Variants in MED13 observed in about 807,000 individuals in gnomAD.
MED13 encodes the protein mediator of RNA polymerase II transcription subunit 13.
A neutral mutation model predicts 225.2 loss-of-function variants in MED13; 23 were observed. That is an observed-to-expected ratio of 0.10 (90% CI 0.07 to 0.14). MED13 has a LOEUF of 0.14. MED13 is among the 10% of genes least tolerant of loss of function. MED13 has a pLI of 1.00. For synonymous variants in MED13, 942 were observed against 889.2 expected (o/e 1.06, Z -1.06); for missense variants, 2,197 against 2,594.5 (o/e 0.85, Z 3.33).
At chr17:61,990,628 T>TATAC (rs2080289064) in intron 11 of MED13, among the ~76,000 whole-genome samples, 2 of 26,054 alleles carry the variant, frequency 7.7e-5, no homozygotes, top group South Asian at 1.1e-3. Context: ...GCGCACTGTG[T>TATAC]ATATATATAT....
chr17:61,965,294 C>T lies in MED13; in HGVS notation c.4556G>A (p.Gly1519Asp), dbSNP rs1215629298. The T allele has an allele frequency of 4.3e-6, 7 of 1,614,070 alleles. No homozygotes were observed. The highest frequency in any genetic ancestry group is 5.9e-6 in the Non-Finnish European group (7 of 1,180,044). ...AASSTMTVTS[G>D]VAISTSVATA... The stretch of plus-strand genomic sequence containing the variant: ...GGCAACTGAAGTAGATATGGCAACA[C>T]CTGAAGTCACTGTCATAGTGCTGCT... The change falls in exon 20 of 30, where the codon GGT becomes GAT. Residue 1519 changes from glycine to aspartate, a missense_variant. This residue lies in a region of MED13 where 457 missense variants were observed against 442.2 expected (regional missense o/e 1.03). Coordinates refer to ENST00000397786, the MANE Select transcript of MED13 (RefSeq NM_005121.3).
rs527763436 is a variant in MED13, at chr17:62,020,633, C to G, written c.1283+8908G>C. On this transcript the variant is annotated intron_variant, in intron 8 of 29. Coordinates refer to ENST00000397786, the MANE Select transcript of MED13 (RefSeq NM_005121.3). Reference sequence around the variant, plus strand: ...TGACCTCGTGATCCTCCCGCCTTGGCCTTCCAAAGTGCTGGGATTTCAGGC... The same window carrying G: ...TGACCTCGTGATCCTCCCGCCTTGGGCTTCCAAAGTGCTGGGATTTCAGGC... 8.1e-4 allele frequency among the ~76,000 whole-genome samples: 121 copies of G among 150,226 alleles called. 2 individuals carry two copies. The South Asian group carries it at 0.026, about 32-fold the overall frequency.
chr17:61,985,220 C>CAAAT (rs2080237733), intron 12 of MED13, 130 bp from the exon 13 acceptor site: 1 of 652,792 alleles, frequency 1.5e-6, no homozygotes, highest in Admixed American at 2.9e-5. Flanking sequence ...GTGATACAGC[C>CAAAT]AAATACATAC....
At chr17:62,044,294 T>C (rs1318972493) in intron 3 of MED13, among the ~76,000 whole-genome samples, 1 of 151,962 alleles carries the variant, frequency 6.6e-6, no homozygotes, top group African/African-American at 2.4e-5. Context: ...TAATTATAAA[T>C]ATAAAGGTTC....
At chr17:62,060,688 C>T (rs1439213165) in intron 2 of MED13, among the ~76,000 whole-genome samples, 4 of 149,470 alleles carry the variant, frequency 2.7e-5, no homozygotes, top group East Asian at 3.9e-4. Context: ...TTTTCATTCA[C>T]GTTCAAGATC....
chr17:61,966,847 CT>C (rs1426338022), intron 18 of MED13, among the ~76,000 whole-genome samples, 196 bp from the exon 19 acceptor site: 1 of 151,918 alleles, frequency 6.6e-6, no homozygotes, highest in Non-Finnish European at 1.5e-5. Context: ...TGCCATAGGT[CT>C]TTTTCATTTT....
chr17:62,028,235 G>C (rs1041753146), intron 8 of MED13, among the ~76,000 whole-genome samples: 3 of 152,172 alleles, frequency 2.0e-5, no homozygotes, highest in Non-Finnish European at 4.4e-5. Flanking sequence ...AAAAGAATGA[G>C]ATCATGTCAT....
At chr17:61,983,258 A>C in intron 15 of MED13, 144 bp from the exon 16 acceptor site, 1 of 672,266 alleles carries the variant, frequency 1.5e-6, no homozygotes, top group East Asian at 2.8e-5. Context: ...TTACAAGCAC[A>C]GTCAATTCTT....
chr17:62,010,751 T>C lies in MED13; in HGVS notation c.1766A>G (p.Gln589Arg), dbSNP rs781393867. The C allele has an allele frequency of 1.2e-6, 2 of 1,613,888 alleles. No individual in the cohort carries two copies. The highest frequency in any genetic ancestry group is 4.5e-5 in the East Asian group (2 of 44,904). Residue 589 changes from glutamine (Q) to arginine (R), a missense_variant, in exon 9 of 30, where the codon CAA becomes CGA. Around this residue, in one of 12 missense-constraint regions of MED13, gnomAD observed 884 missense variants for 918.5 expected, o/e 0.96. Transcript: ENST00000397786. Reference sequence around the variant, plus strand: ...TGTAGGTTCTACAGCTTCCTGATATTGAGGTGGGAAAGACTGGGACAAACT... The same window carrying C: ...TGTAGGTTCTACAGCTTCCTGATATCGAGGTGGGAAAGACTGGGACAAACT... ...IDSLSQSFPP[Q>R]YQEAVEPTVY...
At chr17:62,026,974 G>A (rs1420224172) in intron 8 of MED13, among the ~76,000 whole-genome samples, 4 of 152,308 alleles carry the variant, frequency 2.6e-5, no homozygotes, top group Admixed American at 1.3e-4. Context: ...CATGCTCATG[G>A]ATAGGAAGAA....
chr17:61,968,121 T>A lies in MED13; in HGVS notation c.4105A>T (p.Ile1369Leu). 6.2e-7 allele frequency: 1 copy of A among 1,614,078 alleles called. No individual in the cohort carries two copies. The highest frequency in any genetic ancestry group is 8.5e-7 in the Non-Finnish European group (1 of 1,179,986). Reference protein sequence around the residue: ...MLEPYGSQRDIAYVVLCPENE... With the variant: ...MLEPYGSQRDLAYVVLCPENE... ...TCTGGACACAGTACAACATAGGCTA[T>A]ATCTCTTTGAGATCCATAGGGTTCC... Residue 1369 changes from isoleucine (I) to leucine (L), a missense_variant, in exon 18 of 30, where the codon ATA (isoleucine) becomes TTA (leucine). By Grantham distance (5) the Ile-to-Leu change is conservative. Around this residue, in one of 12 missense-constraint regions of MED13, gnomAD observed 47 missense variants for 93.8 expected, o/e 0.50. Transcript: ENST00000397786.
chr17:62,038,691 G>A (rs2143704137), intron 3 of MED13, among the ~76,000 whole-genome samples: 1 of 152,030 alleles, frequency 6.6e-6, no homozygotes, highest in Non-Finnish European at 1.5e-5. Context: ...TAATTTTATG[G>A]TTTAGAGACA....
intron 4 of MED13, 59 bp from the exon 5 acceptor site, chr17:62,034,043 C>A: frequency 6.9e-7 from 1 of 1,440,058 alleles, no homozygotes; most frequent in African/African-American, 1.4e-5. Context: ...CAAATAAGAA[C>A]ACAGTGAAAA....
At position 61,982,908 on chromosome 17, in the gene MED13, C is replaced by A; in HGVS notation, c.3095G>T (p.Gly1032Val). 1 of 1,614,078 alleles carries A rather than the reference C, an allele frequency of 6.2e-7. No homozygotes were observed. The highest frequency in any genetic ancestry group is 8.5e-7 in the Non-Finnish European group (1 of 1,180,012). ...GTCTGAATTTTCATATTTGACTGAA[C>A]CTTGAGCACTAGCAGGTCCACCAGC... ...RGAGGPASAQ[G>V]SVKYENSDLY... is the part of the protein sequence containing the mutation. Residue 1032 changes from glycine (G) to valine (V), a missense_variant, in exon 16 of 30, where the codon GGT becomes GTT. Physicochemically the swap from Gly to Val is moderately radical, Grantham distance 109 (BLOSUM62 -3). Around this residue, in one of 12 missense-constraint regions of MED13, gnomAD observed 99 missense variants for 158.5 expected, o/e 0.62. Coordinates refer to ENST00000397786, the MANE Select transcript of MED13 (RefSeq NM_005121.3).
chr17:61,979,473 C>T (rs2080185080), intron 16 of MED13, among the ~76,000 whole-genome samples: 1 of 152,044 alleles, frequency 6.6e-6, no homozygotes, highest in African/African-American at 2.4e-5. Context: ...CCACACCCAG[C>T]TAATTTTTGT....
chr17:61,992,792 T>C lies in MED13; in HGVS notation c.2182-171A>G, dbSNP rs537036998. Among the ~76,000 whole-genome samples the C allele has an allele frequency of 2.6e-5, 4 of 151,592 alleles. No individual in the cohort carries two copies. In the South Asian group the frequency reaches 8.3e-4, roughly 31 times the overall value. ...TGCTTATTATTACTTTTTTTTGAGA[T>C]GGACTCTCGCTCTATCACCAGGCTG... On this transcript the variant is annotated intron_variant, in intron 10 of 29. Coordinates refer to ENST00000397786, the MANE Select transcript of MED13 (RefSeq NM_005121.3).
chr17:62,031,724 T>G, intron 5 of MED13, 86 bp from the exon 6 acceptor site: 1 of 749,240 alleles, frequency 1.3e-6, no homozygotes, highest in Non-Finnish European at 2.0e-6. Context: ...AATGGAAAAG[T>G]AGGTATCACA....
intron 20 of MED13, among the ~76,000 whole-genome samples, chr17:61,964,425 A>G (rs2143364526): frequency 6.6e-6 from 1 of 152,218 alleles, no homozygotes; most frequent in East Asian, 1.9e-4. Flanking sequence ...GTAGCTGGGC[A>G]TGGTGGTGCA....
In MED13 at chr17:62,031,468, T is replaced by C. The variant is rs1446607033; in HGVS notation, c.985A>G (p.Thr329Ala). Residue 329 changes from threonine (T) to alanine (A), a missense_variant, in exon 6 of 30, where the codon ACG becomes GCG. By Grantham distance (58) the Thr-to-Ala change is moderately conservative. Transcript: ENST00000397786. The part of the protein sequence containing the change: ...AMSSVTLTPP[T>A]SPEEVQTVDP... ...CCTGTTTGGACTTCCTCAGGAGACG[T>C]AGGTGGTGTAAGCGTAACCGAAGAC... 6.2e-7 allele frequency: 1 copy of C among 1,610,202 alleles called. No homozygotes were observed. The highest frequency in any genetic ancestry group is 8.5e-7 in the Non-Finnish European group (1 of 1,178,310).
Sources: gnomAD v4.1 joint callset for allele counts (sites outside exome capture counted in the v4.1 genomes callset) on GRCh38, gnomAD v4.1.1 for gene constraint, gnomAD v4.1.1 regional missense constraint, MANE v1.5 for transcripts, NCBI Gene and HGNC (gene_info 2026-07-23, HGNC 2026-07-21) for gene names.